Variants in DYNC2I2 observed in about 807,000 individuals in gnomAD.
The protein encoded by DYNC2I2 is cytoplasmic dynein 2 intermediate chain 2.
DYNC2I2 carries 39 observed loss-of-function variants against 52.0 expected under a neutral mutation model. That is an observed-to-expected ratio of 0.75 (90% CI 0.58 to 0.98). The LOEUF (loss-of-function observed/expected upper bound fraction) is 0.98. DYNC2I2 is among the 50% of genes least tolerant of loss of function. The probability of loss-of-function intolerance (pLI) is 0.00; values close to 1 mark genes in which losing one functional copy is unlikely to be tolerated. For missense variants in DYNC2I2, 743 were observed against 728.4 expected (o/e 1.02, Z -0.23); for synonymous variants, 359 against 321.1 (o/e 1.12, Z -1.26).
At position 128,634,220 on chromosome 9, in the gene DYNC2I2, TC is replaced by T. The variant is rs772722096; in HGVS notation, c.1372+5del. On this transcript the variant is annotated splice_donor_5th_base_variant and intron_variant, in intron 8 of 8. Transcript: ENST00000372715. ...AACAGATCCAGGCCTAGCGGCCCCT[TC>T]CTACCTTTCCCAGAGGCAGCTGCAA... The T allele has an allele frequency of 8.7e-6, 14 of 1,613,380 alleles. No individual in the cohort carries two copies. Among genetic ancestry groups the T allele is most frequent in the Non-Finnish European group, 1.2e-5 (14 of 1,179,998 alleles).
chr9:128,668,170 A>G, the DYNC2I2 span, among the ~76,000 whole-genome samples: 23 of 151,928 alleles, frequency 1.5e-4, no homozygotes, highest in East Asian at 3.5e-3. Context: ...CATGTTGGCC[A>G]GGATGGTCTT....
Position 128,656,812 on chromosome 9 carries a change from G to C in DYNC2I2, c.-86C>G. 7.9e-7 allele frequency: 1 copy of C among 1,268,570 alleles called. No homozygotes were observed. Among genetic ancestry groups the C allele is most frequent in the South Asian group, 2.0e-5 (1 of 49,628 alleles). 78.6% of individuals were successfully genotyped at this position (1,268,570 alleles called of 1,614,324 possible). On this transcript the variant is annotated 5_prime_UTR_variant, in exon 1 of 9. Transcript: ENST00000372715. ...CATGAGCGGAAAACGGGGAATGTGAGGCTGACGGCGCCATGTTTGAATTGG... is the reference window on the plus strand; with the variant it reads ...CATGAGCGGAAAACGGGGAATGTGACGCTGACGGCGCCATGTTTGAATTGG...
At chr9:128,674,182 C>G in the DYNC2I2 span, among the ~76,000 whole-genome samples, 1 of 151,798 alleles carries the variant, frequency 6.6e-6, no homozygotes, top group Non-Finnish European at 1.5e-5. Flanking sequence ...GTTGCCCAGG[C>G]TAGAGTGCAG....
intron 1 of DYNC2I2, among the ~76,000 whole-genome samples, chr9:128,655,438 G>A (rs1310234606): frequency 1.1e-4 from 17 of 148,260 alleles, no homozygotes; most frequent in Admixed American, 1.1e-3. Context: ...ATAAACCCGG[G>A]AGGCGGAGCT....
intron 1 of DYNC2I2, among the ~76,000 whole-genome samples, chr9:128,647,134 AACAC>A (rs1350026097): frequency 6.6e-6 from 1 of 152,164 alleles, no homozygotes; most frequent in Non-Finnish European, 1.5e-5. Flanking sequence ...TCAAAAAACA[AACAC>A]ACAAACAAAA....
At chr9:128,654,417 C>T (rs1860777860) in intron 1 of DYNC2I2, among the ~76,000 whole-genome samples, 1 of 152,168 alleles carries the variant, frequency 6.6e-6, no homozygotes, top group African/African-American at 2.4e-5. Context: ...TTACAATACT[C>T]TGACAGCCCC....
chr9:128,636,898 C>A lies in DYNC2I2; in HGVS notation c.545+20G>T. 1 of 1,599,114 alleles carries A rather than the reference C, an allele frequency of 6.3e-7. No homozygotes were observed. The highest frequency in any genetic ancestry group is 8.5e-7 in the Non-Finnish European group (1 of 1,171,602). ...TCCTGGGGTGGCGAGCTGCCCCTCACCTGCCCCGCTGCCACTCACCGGCCG... is the reference window on the plus strand; with the variant it reads ...TCCTGGGGTGGCGAGCTGCCCCTCAACTGCCCCGCTGCCACTCACCGGCCG... On this transcript the variant is annotated intron_variant, in intron 3 of 8. Transcript: ENST00000372715.
intron 2 of DYNC2I2, among the ~76,000 whole-genome samples, chr9:128,638,609 C>T (rs1205009274): frequency 2.0e-5 from 3 of 152,136 alleles, no homozygotes; most frequent in African/African-American, 2.4e-5. Context: ...CCACACCCCG[C>T]GCACTGCTGC....
At chr9:128,670,623 C>T in the DYNC2I2 span, among the ~76,000 whole-genome samples, 1 of 151,962 alleles carries the variant, frequency 6.6e-6, no homozygotes, top group East Asian at 1.9e-4. Context: ...GTAGTCCCAG[C>T]TATTCGGGAA....
chr9:128,652,940 A>T (rs941630061), intron 1 of DYNC2I2, among the ~76,000 whole-genome samples: 14 of 150,110 alleles, frequency 9.3e-5, no homozygotes, highest in African/African-American at 3.0e-4. Flanking sequence ...AGTAAGTACC[A>T]AGAGTGCCAG....
upstream of DYNC2I2, among the ~76,000 whole-genome samples, chr9:128,661,211 G>A (rs1395984710): frequency 6.8e-6 from 1 of 148,144 alleles, no homozygotes; most frequent in Non-Finnish European, 1.5e-5. Flanking sequence ...ATGTGGTGGT[G>A]CATGCCTGTA....
chr9:128,638,130 AG>A (rs1196993174), intron 2 of DYNC2I2, among the ~76,000 whole-genome samples: 8 of 151,570 alleles, frequency 5.3e-5, no homozygotes, highest in South Asian at 2.1e-4. Flanking sequence ...CCAGCTACTC[AG>A]GAAGTTGAGG....
Position 128,656,695 on chromosome 9 carries a change from C to A in DYNC2I2, c.32G>T (p.Ser11Ile). The change falls in exon 1 of 9, where the codon AGC becomes ATC. Residue 11 changes from serine (S) to isoleucine (I), a missense_variant. Transcript: ENST00000372715. ...CGCAACACCAGCGCTTCCCGCCTGG[C>A]TGAGTGGCCCCGGCTGCGCGCGGGT... is the stretch of plus-strand genomic sequence containing the variant. The part of the protein sequence containing the change: MATRAQPGPL[S>I]QAGSAGVAAL... The A allele has an allele frequency of 1.4e-6, 2 of 1,478,844 alleles. No individual in the cohort carries two copies. The highest frequency in any genetic ancestry group is 8.9e-7 in the Non-Finnish European group (1 of 1,126,360). The allele number at this position is 1,478,844 out of a possible 1,614,324, so 91.6% of individuals were successfully genotyped here.
the DYNC2I2 span, among the ~76,000 whole-genome samples, chr9:128,664,356 AT>A: frequency 6.6e-6 from 1 of 152,096 alleles, no homozygotes; most frequent in Non-Finnish European, 1.5e-5. Context: ...TATTTTGTGT[AT>A]TTTGTTCAAA....
the DYNC2I2 span, among the ~76,000 whole-genome samples, chr9:128,667,450 C>T: frequency 1.2e-4 from 18 of 151,924 alleles, no homozygotes; most frequent in East Asian, 1.2e-3. Flanking sequence ...CTCAGCCTCC[C>T]GAGTAGCTGG....
At chr9:128,636,129 T>G (rs1386979024) in intron 4 of DYNC2I2, 152 bp downstream of exon 4, 5 of 1,223,226 alleles carry the variant, frequency 4.1e-6, no homozygotes, top group Non-Finnish European at 5.9e-6. Context: ...CAGGGCTCAC[T>G]GCAGACCTTC....
chr9:128,649,992 TATAA>T (rs1274885664), intron 1 of DYNC2I2, among the ~76,000 whole-genome samples: 602 of 56,750 alleles, frequency 0.011, 167 homozygotes, highest in African/African-American at 0.019. Flanking sequence ...GACTCTAAAA[TATAA>T]ATAAATAAAT....
the DYNC2I2 span, among the ~76,000 whole-genome samples, chr9:128,672,678 G>A: frequency 6.6e-6 from 1 of 151,972 alleles, no homozygotes; most frequent in South Asian, 2.1e-4. Flanking sequence ...GAAATGTACT[G>A]AAATATACAC....
chr9:128,668,879 ATACT>A, the DYNC2I2 span, among the ~76,000 whole-genome samples: 1 of 151,964 alleles, frequency 6.6e-6, no homozygotes, highest in South Asian at 2.1e-4. Flanking sequence ...TAGAAATAAA[ATACT>A]TACCGGGACA....
Sources: allele counts gnomAD v4.1 joint callset (sites outside exome capture counted in the v4.1 genomes callset), GRCh38; gene constraint gnomAD v4.1.1; transcripts MANE v1.5; gene names NCBI Gene and HGNC (gene_info 2026-07-23, HGNC 2026-07-21).